The following PPFIBP2 variants were observed in gnomAD, a reference collection of about 807,000 sequenced individuals.
PPFIBP2 encodes PPFIB scaffold protein 2, also known as liprin-beta-2.
Under a neutral mutation model 118.3 loss-of-function variants are expected in PPFIBP2, and 118 were observed. The ratio of observed to expected loss-of-function variants is 1.00; its 90% CI spans 0.86 to 1.16. The LOEUF (loss-of-function observed/expected upper bound fraction) is 1.16. Among genes scored for constraint, PPFIBP2 ranks in the 50% most tolerant of loss-of-function variants. The pLI, the probability that PPFIBP2 is intolerant of heterozygous loss-of-function variation, is 0.00. For missense variants in PPFIBP2, 1,195 were observed against 1,073.1 expected (o/e 1.11, Z -1.59); for synonymous variants, 414 against 397.4 (o/e 1.04, Z -0.50).
the PPFIBP2 span, chr11:7,665,848 G>A: frequency 4.6e-6 from 7 of 1,535,774 alleles, no homozygotes; most frequent in African/African-American, 9.6e-5. Flanking sequence ...AATCAGTACA[G>A]CCAGCTGGAG....
rs770676564 is a variant in PPFIBP2 at position 7,628,310 on chromosome 11, G to A, written c.852G>A (p.Met284Ile). 1.7e-5 allele frequency: 28 copies of A among 1,613,766 alleles called. No homozygotes were observed. The Admixed American group carries it at 4.2e-4, about 24-fold the overall frequency. Residue 284 changes from methionine (M) to isoleucine (I), a missense_variant, in exon 9 of 24, where the codon ATG becomes ATA. Transcript: ENST00000299492. ...ERDQEIQRLKMGMETLLLANE... is the reference protein window; with the variant it reads ...ERDQEIQRLKIGMETLLLANE... ...ACCAAGAAATTCAACGTCTGAAAAT[G>A]GGGATGGAAACTTTGCTGCTTGCCA...
intron 2 of PPFIBP2, among the ~76,000 whole-genome samples, chr11:7,563,158 A>G (rs1369391862): frequency 6.6e-6 from 1 of 151,900 alleles, no homozygotes; most frequent in Non-Finnish European, 1.5e-5. Context: ...GAAAACCCAG[A>G]TCTTCCATCC....
At chr11:7,664,369 T>A in the PPFIBP2 span, among the ~76,000 whole-genome samples, 1 of 152,206 alleles carries the variant, frequency 6.6e-6, no homozygotes, top group African/African-American at 2.4e-5. Context: ...GAGCAGGGTT[T>A]CCTGGCCTCT....
chr11:7,580,428 C>G (rs1857100802), intron 3 of PPFIBP2, among the ~76,000 whole-genome samples: 2 of 152,188 alleles, frequency 1.3e-5, no homozygotes, highest in African/African-American at 4.8e-5. Context: ...GGCATAGATT[C>G]TGGAAGAAGA....
intron 7 of PPFIBP2, among the ~76,000 whole-genome samples, chr11:7,622,508 A>T (rs1031514416): frequency 6.6e-6 from 1 of 152,264 alleles, no homozygotes; most frequent in African/African-American, 2.4e-5. Context: ...TTAAAATTTT[A>T]TGACTTCTCA....
At chr11:7,660,165 G>T (rs1854860092), downstream of PPFIBP2, among the ~76,000 whole-genome samples, 1 of 127,360 alleles carries the variant, frequency 7.9e-6, no homozygotes, top group African/African-American at 2.5e-5. Flanking sequence ...AATTGCCCTG[G>T]CCAGAACTTC....
chr11:7,600,652 T>C (rs1198179126), intron 5 of PPFIBP2, among the ~76,000 whole-genome samples: 1 of 152,208 alleles, frequency 6.6e-6, no homozygotes, highest in Non-Finnish European at 1.5e-5. Context: ...CCTTTCACTG[T>C]CTCAGTGTGC....
chr11:7,602,450 A>G (rs994174455), intron 5 of PPFIBP2, among the ~76,000 whole-genome samples: 18 of 152,196 alleles, frequency 1.2e-4, no homozygotes, highest in Non-Finnish European at 5.9e-5. Context: ...CTGTGAGCTC[A>G]CTGGGGTCTA....
chr11:7,554,104 T>A (rs1216281441), intron 2 of PPFIBP2, among the ~76,000 whole-genome samples: 1 of 152,174 alleles, frequency 6.6e-6, no homozygotes, highest in Non-Finnish European at 1.5e-5. Context: ...CTCTCTTTAT[T>A]TATGTTCTCT....
chr11:7,516,724 CTGTCTTCAAGGGGTACG>C (rs1247474370), intron 1 of PPFIBP2, among the ~76,000 whole-genome samples: 3 of 152,300 alleles, frequency 2.0e-5, no homozygotes, highest in Admixed American at 6.5e-5. Context: ...GCCCCTCTCT[CTGTCTTCAAGGGGTACG>C]TGTCTTCCAG....
At chr11:7,534,264 G>A (rs1245728099) in intron 1 of PPFIBP2, among the ~76,000 whole-genome samples, 1 of 152,200 alleles carries the variant, frequency 6.6e-6, no homozygotes, top group East Asian at 1.9e-4. Flanking sequence ...GTGTTAGCCT[G>A]TTACTATAAA....
intron 1 of PPFIBP2, among the ~76,000 whole-genome samples, chr11:7,520,415 C>A (rs1308796286): frequency 2.6e-5 from 4 of 152,070 alleles, no homozygotes; most frequent in African/African-American, 9.7e-5. Flanking sequence ...TGGGACTGGG[C>A]CTGAGAAGAG....
At chr11:7,595,202 T>C (rs1299278836) in intron 4 of PPFIBP2, among the ~76,000 whole-genome samples, 1 of 152,184 alleles carries the variant, frequency 6.6e-6, no homozygotes, top group African/African-American at 2.4e-5. Context: ...GCCTGCAGTC[T>C]GTGCTCAAAA....
At chr11:7,586,145 T>G (rs1427493457) in intron 3 of PPFIBP2, among the ~76,000 whole-genome samples, 3 of 152,200 alleles carry the variant, frequency 2.0e-5, no homozygotes, top group Non-Finnish European at 4.4e-5. Context: ...ACAGAGGCTT[T>G]CTTTTTGTTT....
At chr11:7,556,347 C>T (rs1021863957) in intron 2 of PPFIBP2, among the ~76,000 whole-genome samples, 3 of 151,958 alleles carry the variant, frequency 2.0e-5, no homozygotes, top group South Asian at 2.1e-4. Flanking sequence ...CCCAGCTACT[C>T]GGGAGGCTGA....
chr11:7,570,610 A>G (rs2134796771), intron 3 of PPFIBP2, among the ~76,000 whole-genome samples: 1 of 152,304 alleles, frequency 6.6e-6, no homozygotes, highest in African/African-American at 2.4e-5. Context: ...TATGTACTCT[A>G]GGCCCTGTTT....
chr11:7,610,065 C>T (rs1847879381), intron 5 of PPFIBP2, among the ~76,000 whole-genome samples: 2 of 152,108 alleles, frequency 1.3e-5, no homozygotes, highest in South Asian at 4.1e-4. Flanking sequence ...ATGTAGCTCA[C>T]CTTGTCTATC....
chr11:7,533,937 A>G (rs1850978302), intron 1 of PPFIBP2, among the ~76,000 whole-genome samples: 1 of 152,254 alleles, frequency 6.6e-6, no homozygotes, highest in Non-Finnish European at 1.5e-5. Flanking sequence ...CATGAGCTCC[A>G]TGGAACATGT....
intron 4 of PPFIBP2, 29 bp from the exon 5 acceptor site, chr11:7,597,531 C>G: frequency 6.3e-7 from 1 of 1,598,294 alleles, no homozygotes. Context: ...ATCCCTGGTC[C>G]TCCACCATTG....
Sources: gnomAD v4.1 joint callset for allele counts (sites outside exome capture counted in the v4.1 genomes callset) on GRCh38, gnomAD v4.1.1 for gene constraint, MANE v1.5 for transcripts, NCBI Gene and HGNC (gene_info 2026-07-23, HGNC 2026-07-21) for gene names.